ARHGAP18: variants seen among roughly 807,000 people sequenced by gnomAD.
The protein encoded by ARHGAP18 is rho GTPase-activating protein 18.
ARHGAP18 carries 67 observed loss-of-function variants against 86.2 expected under a neutral mutation model. The ratio of observed to expected loss-of-function variants is 0.78; its 90% CI spans 0.64 to 0.95. The LOEUF (loss-of-function observed/expected upper bound fraction) is 0.95. Among genes scored for constraint, ARHGAP18 ranks in the 40% least tolerant of loss-of-function variants. The pLI is 0.00. For missense variants in ARHGAP18, 691 were observed against 780.4 expected (o/e 0.89, Z 1.37); for synonymous variants, 283 against 280.4 (o/e 1.01, Z -0.09).
chr6:129,689,889 C>G (rs568668903), intron 1 of ARHGAP18, among the ~76,000 whole-genome samples: 1 of 152,298 alleles, frequency 6.6e-6, no homozygotes, highest in East Asian at 1.9e-4. Context: ...TGGCATCCAG[C>G]CTTCAAATTT....
intron 9 of ARHGAP18, among the ~76,000 whole-genome samples, chr6:129,606,411 C>A (rs1269315252): frequency 6.6e-6 from 1 of 152,072 alleles, no homozygotes; most frequent in African/African-American, 2.4e-5. Flanking sequence ...AAAATAGGGC[C>A]TGGAACACAA....
At chr6:129,652,269 C>G (rs1398586994) in intron 1 of ARHGAP18, among the ~76,000 whole-genome samples, 1 of 152,244 alleles carries the variant, frequency 6.6e-6, no homozygotes, top group Non-Finnish European at 1.5e-5. Context: ...CTCAGAACAA[C>G]TGTCTAGTAC....
At position 129,578,569 on chromosome 6, in the gene ARHGAP18, C is replaced by A; in HGVS notation, c.1936G>T (p.Asp646Tyr). The change falls in exon 15 of 15, where the codon GAT (aspartate) becomes TAT (tyrosine). Residue 646 changes from aspartate to tyrosine, a missense_variant. Physicochemically the swap from Asp to Tyr is radical, Grantham distance 160 (BLOSUM62 -3). Transcript: ENST00000368149. ...RCLDDDTYMK[D>Y]LYQLNPNAEW... Reference sequence around the variant, plus strand: ...GCATTTGGGTTAAGCTGATATAAATCCTTCATGTAAGTGTCATCATCAAGG... The same window carrying A: ...GCATTTGGGTTAAGCTGATATAAATACTTCATGTAAGTGTCATCATCAAGG... 6.2e-7 allele frequency: 1 copy of A among 1,611,590 alleles called. No individual in the cohort carries two copies. The highest frequency in any genetic ancestry group is 8.5e-7 in the Non-Finnish European group (1 of 1,178,520).
chr6:129,599,923 T>C (rs1399904994), intron 11 of ARHGAP18, among the ~76,000 whole-genome samples: 3 of 152,124 alleles, frequency 2.0e-5, no homozygotes, highest in Non-Finnish European at 4.4e-5. Flanking sequence ...ATTTCAAACA[T>C]TGAGATTTAA....
At chr6:129,625,569 C>T (rs796962144) in intron 5 of ARHGAP18, among the ~76,000 whole-genome samples, 7 of 30,164 alleles carry the variant, frequency 2.3e-4, no homozygotes, top group Non-Finnish European at 4.0e-4. Flanking sequence ...TATTATATAT[C>T]ATTATACATT....
intron 3 of ARHGAP18, 122 bp from the exon 4 acceptor site, chr6:129,634,227 C>A: frequency 2.6e-6 from 2 of 773,532 alleles, no homozygotes; most frequent in Middle Eastern, 2.5e-4. Context: ...ATAACAATCA[C>A]AGTGAAAAAG....
chr6:129,625,443 TTTTATATTA>T (rs1297014117), intron 5 of ARHGAP18, among the ~76,000 whole-genome samples: 4 of 59,546 alleles, frequency 6.7e-5, no homozygotes, highest in African/African-American at 3.3e-4. Context: ...ATAATATATA[TTTTATATTA>T]TATATTATAT....
intron 1 of ARHGAP18, among the ~76,000 whole-genome samples, chr6:129,653,640 T>A (rs144526127): frequency 1.0e-3 from 152 of 152,336 alleles, no homozygotes; most frequent in Non-Finnish European, 1.8e-3. Flanking sequence ...AAAACAATCT[T>A]TCTTAAGTGA....
At chr6:129,696,587 T>C (rs1315277462) in intron 1 of ARHGAP18, among the ~76,000 whole-genome samples, 2 of 152,220 alleles carry the variant, frequency 1.3e-5, no homozygotes, top group Non-Finnish European at 1.5e-5. Context: ...TGTTGAGTTC[T>C]ATTATATATG....
chr6:129,674,523 G>A (rs1443881571), intron 1 of ARHGAP18, among the ~76,000 whole-genome samples: 9 of 152,138 alleles, frequency 5.9e-5, no homozygotes, highest in Non-Finnish European at 1.3e-4. Flanking sequence ...AAATATTCAG[G>A]AAAAATAAAT....
intron 12 of ARHGAP18, among the ~76,000 whole-genome samples, chr6:129,592,668 C>A (rs1788540991): frequency 6.6e-6 from 1 of 152,134 alleles, no homozygotes; most frequent in Non-Finnish European, 1.5e-5. Context: ...ACTCTGTACC[C>A]TCACTCTCAT....
At position 129,698,988 on chromosome 6, in the gene ARHGAP18, G is replaced by A. The variant is rs369286838; in HGVS notation, c.113+11036C>T. 2.7e-3 allele frequency among the ~76,000 whole-genome samples: 412 copies of A among 151,406 alleles called. 1 individual carries two copies. Among genetic ancestry groups the A allele is most frequent in the African/African-American group, 9.3e-3 (385 of 41,216 alleles). ...GATTACAGGCATGAGCCACACGCCC[G>A]GCCTAAGGCCTGGCTAATTTTTGTA... is the stretch of plus-strand genomic sequence containing the variant. On this transcript the variant is annotated intron_variant, in intron 1 of 14. Transcript: ENST00000368149.
At chr6:129,601,131 C>G (rs1170400845) in intron 10 of ARHGAP18, among the ~76,000 whole-genome samples, 1 of 152,272 alleles carries the variant, frequency 6.6e-6, no homozygotes, top group African/African-American at 2.4e-5. Context: ...TGTCAGACCT[C>G]TGGCCTATGG....
chr6:129,601,929 TGA>T (rs2114450124), intron 10 of ARHGAP18, among the ~76,000 whole-genome samples: 1 of 152,154 alleles, frequency 6.6e-6, no homozygotes, highest in South Asian at 2.1e-4. Context: ...CATACCCAGC[TGA>T]GAATTTTTTT....
At chr6:129,653,739 A>G (rs1773764079) in intron 1 of ARHGAP18, among the ~76,000 whole-genome samples, 1 of 152,212 alleles carries the variant, frequency 6.6e-6, no homozygotes, top group Non-Finnish European at 1.5e-5. Context: ...GATACATGAA[A>G]TATAAAACAA....
At position 129,581,665 on chromosome 6, in the gene ARHGAP18, C is replaced by T. The variant is rs376709284; in HGVS notation, c.1839-1534G>A. 2.0e-5 allele frequency among the ~76,000 whole-genome samples: 3 copies of T among 152,072 alleles called. No homozygotes were observed. In the South Asian group the frequency reaches 6.2e-4, roughly 32 times the overall value. ...AAATTCATCGTTAAAGGCAACAATC[C>T]TTTACCAAAGAATGAATGAACGTGC... On this transcript the variant is annotated intron_variant, in intron 13 of 14. Coordinates refer to ENST00000368149, the MANE Select transcript of ARHGAP18 (RefSeq NM_033515.3).
At chr6:129,702,114 G>C (rs1774721095) in intron 1 of ARHGAP18, among the ~76,000 whole-genome samples, 1 of 152,196 alleles carries the variant, frequency 6.6e-6, no homozygotes, top group Non-Finnish European at 1.5e-5. Flanking sequence ...ATATGAAAAG[G>C]AGATGAGGTT....
At chr6:129,594,457 G>T (rs1391590886) in intron 12 of ARHGAP18, among the ~76,000 whole-genome samples, 2 of 152,036 alleles carry the variant, frequency 1.3e-5, no homozygotes, top group African/African-American at 4.8e-5. Context: ...ATCCCCTAGA[G>T]ATCTCTCTTT....
At chr6:129,627,270 T>G (rs1374808000) in intron 5 of ARHGAP18, among the ~76,000 whole-genome samples, 2 of 152,042 alleles carry the variant, frequency 1.3e-5, no homozygotes, top group African/African-American at 4.8e-5. Flanking sequence ...AGAAGGTTGT[T>G]CTCAAAGAAA....
Sources: allele counts gnomAD v4.1 joint callset (sites outside exome capture counted in the v4.1 genomes callset), GRCh38; gene constraint gnomAD v4.1.1; transcripts MANE v1.5; gene names NCBI Gene and HGNC (gene_info 2026-07-23, HGNC 2026-07-21).